PWWP3B: variants seen among roughly 807,000 people sequenced by gnomAD.
The protein encoded by PWWP3B is PWWP domain-containing DNA repair factor 3B.
Under a neutral mutation model 15.7 loss-of-function variants are expected in PWWP3B, and 5 were observed. The ratio of observed to expected loss-of-function variants is 0.32; its 90% CI spans 0.17 to 0.67. PWWP3B has a LOEUF of 0.67. Among genes scored for constraint, PWWP3B ranks in the 30% least tolerant of loss-of-function variants. The probability of loss-of-function intolerance (pLI) is 0.74; values close to 1 mark genes in which losing one functional copy is unlikely to be tolerated. For synonymous variants in PWWP3B, 203 were observed against 179.8 expected (o/e 1.13, Z -1.03); for missense variants, 519 against 493.1 (o/e 1.05, Z -0.50).
Position 106,206,073 on chromosome X carries a change from T to C in PWWP3B, c.641T>C (p.Ile214Thr), listed in dbSNP as rs776858611. Residue 214 changes from isoleucine to threonine, a missense_variant, in exon 4 of 4, where the codon ATC becomes ACC. Transcript: ENST00000357175. ...AAAGAGAACAAGAATAAGATTGATA[T>C]CTCAGCAGTTATGTCTGTGCATTCT... ...DEKENKNKID[I>T]SAVMSVHSAV... 6 of 1,210,917 alleles carry C rather than the reference T, an allele frequency of 5.0e-6. No homozygotes were observed. The highest frequency in any genetic ancestry group is 6.7e-6 in the Non-Finnish European group (6 of 895,010).
At chrX:106,184,237 T>C (rs765917792) in intron 2 of PWWP3B, among the ~76,000 whole-genome samples, 17 of 111,542 alleles carry the variant, frequency 1.5e-4, no homozygotes, top group African/African-American at 5.2e-4. Context: ...TGGAGGTTTC[T>C]CCTGATACCT....
At chrX:106,189,483 T>G (rs1922740265) in intron 2 of PWWP3B, among the ~76,000 whole-genome samples, 1 of 110,002 alleles carries the variant, frequency 9.1e-6, no homozygotes, top group South Asian at 3.9e-4. Context: ...ATGCAGTGTT[T>G]GGTTTTTGTC....
chrX:106,185,510 C>T (rs905339998), intron 2 of PWWP3B, among the ~76,000 whole-genome samples: 1 of 111,465 alleles, frequency 9.0e-6, no homozygotes, highest in African/African-American at 3.3e-5. Context: ...AGCAGAAATA[C>T]TAGTTTTCCT....
chrX:106,197,480 T>C (rs1283553433), intron 2 of PWWP3B, among the ~76,000 whole-genome samples: 1 of 111,859 alleles, frequency 8.9e-6, no homozygotes, highest in East Asian at 2.8e-4. Context: ...AAAGGTTCTG[T>C]GGGGTTGTAT....
chrX:106,199,409 A>G (rs1923570127), intron 2 of PWWP3B, among the ~76,000 whole-genome samples: 1 of 111,743 alleles, frequency 8.9e-6, no homozygotes, highest in Non-Finnish European at 1.9e-5. Context: ...CTAGAAAAAA[A>G]GACTGGAAAA....
At chrX:106,191,091 G>C (rs1922915920) in intron 2 of PWWP3B, among the ~76,000 whole-genome samples, 1 of 109,432 alleles carries the variant, frequency 9.1e-6, no homozygotes, top group South Asian at 4.0e-4. Flanking sequence ...GAAAGTCATT[G>C]GTAGCTTGAT....
chrX:106,185,239 G>A (rs1043048684), intron 2 of PWWP3B, among the ~76,000 whole-genome samples: 3 of 111,540 alleles, frequency 2.7e-5, no homozygotes, highest in South Asian at 3.8e-4. Context: ...GGGTTTGCAG[G>A]TCAAATTGGT....
At chrX:106,181,205 GA>G (rs1922174241) in intron 2 of PWWP3B, among the ~76,000 whole-genome samples, 1 of 112,011 alleles carries the variant, frequency 8.9e-6, no homozygotes. Context: ...CGGGCCCAAA[GA>G]GTGAGCAGCA....
At position 106,207,260 on chromosome X, in the gene PWWP3B, G is replaced by A; in HGVS notation, c.1828G>A (p.Val610Met). ...GGATGAAGATCAGTTGGATGAAGTG[G>A]TGAAATATTTACAAGAAGTCTGCAA... ...FEDEDQLDEV[V>M]KYLQEVCNQI... Residue 610 changes from valine (V) to methionine (M), a missense_variant, in exon 4 of 4, where the codon GTG becomes ATG. Val to Met is a conservative substitution (Grantham distance 21). Coordinates refer to ENST00000357175, the MANE Select transcript of PWWP3B (RefSeq NM_001171020.2). 2 of 1,210,815 alleles carry A rather than the reference G, an allele frequency of 1.7e-6. No individual in the cohort carries two copies. The highest frequency in any genetic ancestry group is 2.2e-6 in the Non-Finnish European group (2 of 894,980).
At chrX:106,200,942 G>A (rs1431392682) in intron 2 of PWWP3B, among the ~76,000 whole-genome samples, 1 of 109,609 alleles carries the variant, frequency 9.1e-6, no homozygotes, top group Non-Finnish European at 1.9e-5. Context: ...CAGCTACTCG[G>A]AAGGCTGAGG....
intron 2 of PWWP3B, among the ~76,000 whole-genome samples, chrX:106,176,885 T>G (rs1298322099): frequency 7.1e-5 from 8 of 112,192 alleles, no homozygotes; most frequent in African/African-American, 2.6e-4. Context: ...TTTCAGGGAA[T>G]TGCTTATCCA....
intron 2 of PWWP3B, among the ~76,000 whole-genome samples, chrX:106,194,702 C>T (rs1360558687): frequency 2.7e-5 from 3 of 111,287 alleles, no homozygotes; most frequent in Admixed American, 1.9e-4. Context: ...ATGATGGTGA[C>T]GTACAGATGG....
chrX:106,185,288 G>A (rs983148963), intron 2 of PWWP3B, among the ~76,000 whole-genome samples: 4 of 111,452 alleles, frequency 3.6e-5, no homozygotes, highest in African/African-American at 1.3e-4. Context: ...TGAGCCTGTT[G>A]ATACCTGAGT....
rs1332347816 is a variant in PWWP3B, at chrX:106,204,054, A to G, written c.-331A>G. ...GTGATGCCAACCAAGCCTTGGAAAG[A>G]CAGTGCAACCACAGAAGTGCCGAGC... On this transcript the variant is annotated 5_prime_UTR_variant, in exon 3 of 4. Coordinates refer to ENST00000357175, the MANE Select transcript of PWWP3B (RefSeq NM_001171020.2). The G allele has an allele frequency of 8.9e-6, 1 of 111,997 alleles. No individual in the cohort carries two copies. The highest frequency in any genetic ancestry group is 1.9e-5 in the Non-Finnish European group (1 of 53,289). 9.2% of individuals were successfully genotyped at this position (111,997 alleles called of 1,213,427 possible).
intron 2 of PWWP3B, among the ~76,000 whole-genome samples, chrX:106,189,612 C>CTTTTTTTTTTT (rs1277003635): frequency 1.3e-5 from 1 of 77,858 alleles, no homozygotes; most frequent in Non-Finnish European, 2.5e-5. Flanking sequence ...GCCACATTTT[C>CTTTTTTTTTTT]TTTTTTTTTT....
intron 2 of PWWP3B, among the ~76,000 whole-genome samples, chrX:106,193,349 C>T (rs1208917958): frequency 9.0e-6 from 1 of 111,399 alleles, no homozygotes; most frequent in African/African-American, 3.3e-5. Flanking sequence ...TTATCCGAGA[C>T]TAGGATTGCA....
intron 2 of PWWP3B, among the ~76,000 whole-genome samples, chrX:106,192,339 A>G (rs369726624): frequency 3.6e-5 from 4 of 111,500 alleles, no homozygotes; most frequent in East Asian, 2.8e-4. Context: ...AGAGGTGTTT[A>G]TAGTATTCTC....
chrX:106,205,037 A>T (rs1247781610), intron 3 of PWWP3B, among the ~76,000 whole-genome samples, 182 bp from the exon 4 acceptor site: 1 of 110,734 alleles, frequency 9.0e-6, no homozygotes, highest in African/African-American at 3.3e-5. Context: ...ATTATAAAAC[A>T]ACTTTTCTGG....
intron 2 of PWWP3B, among the ~76,000 whole-genome samples, chrX:106,181,483 A>G (rs1490777040): frequency 1.8e-5 from 2 of 111,607 alleles, no homozygotes; most frequent in Non-Finnish European, 3.8e-5. Flanking sequence ...TAGAGTGCTG[A>G]TTGGTGCATT....
Sources: gnomAD v4.1 joint callset for allele counts (sites outside exome capture counted in the v4.1 genomes callset) on GRCh38, gnomAD v4.1.1 for gene constraint, MANE v1.5 for transcripts, NCBI Gene and HGNC (gene_info 2026-07-23, HGNC 2026-07-21) for gene names.